The following EYS variants were observed in gnomAD, a reference collection of about 807,000 sequenced individuals.
The protein encoded by EYS is EGF-like photoreceptor maintenance factor.
A neutral mutation model predicts 282.1 loss-of-function variants in EYS; 250 were observed. That is an observed-to-expected ratio of 0.89 (90% confidence interval 0.80 to 0.98). The LOEUF (loss-of-function observed/expected upper bound fraction) is 0.98, where lower values mean the gene tolerates loss of function less well. Ranked by LOEUF, EYS falls within the 50% of genes least tolerant of loss-of-function variation. EYS has a pLI of 0.00. For missense variants in EYS, 4,016 were observed against 3,709.0 expected, an observed-to-expected ratio of 1.08 and a Z score of -2.15; for synonymous variants, 1,355 against 1,282.9, an observed-to-expected ratio of 1.06 and a Z score of -1.20.
intron 5 of EYS, among the ~76,000 whole-genome samples, chr6:65,446,076 A>G (rs185487343): frequency 6.6e-6 from 1 of 151,870 alleles, no homozygotes; most frequent in African/African-American, 2.4e-5. Flanking sequence ...ATTTTCAAAA[A>G]CTCAGTGACT....
At chr6:64,953,578 T>C (rs1319200948) in intron 14 of EYS, among the ~76,000 whole-genome samples, 2 of 151,840 alleles carry the variant, frequency 1.3e-5, no homozygotes, top group African/African-American at 4.8e-5. Context: ...CTAATCTTTA[T>C]TTATAAAAAC....
chr6:63,782,628 G>A (rs1270076861), intron 39 of EYS, among the ~76,000 whole-genome samples: 3 of 152,176 alleles, frequency 2.0e-5, no homozygotes, highest in East Asian at 1.9e-4. Context: ...GCATCTATTT[G>A]ATTCTTCTCT....
At chr6:65,350,046 A>G (rs965109077) in intron 9 of EYS, among the ~76,000 whole-genome samples, 10 of 151,492 alleles carry the variant, frequency 6.6e-5, no homozygotes, top group East Asian at 3.9e-4. Context: ...CTTAATTAAG[A>G]GAATTCTCTT....
chr6:65,129,564 C>T (rs930781221), intron 12 of EYS, among the ~76,000 whole-genome samples: 5 of 151,906 alleles, frequency 3.3e-5, no homozygotes, highest in Non-Finnish European at 7.4e-5. Context: ...AAAAAAAATG[C>T]TCATAATCAC....
At chr6:65,436,807 G>A (rs12192872) in intron 5 of EYS, among the ~76,000 whole-genome samples, 28,164 of 151,926 alleles carry the variant, frequency 0.19, 3,262 homozygotes, top group Middle Eastern at 0.3. Flanking sequence ...AAAAATATCT[G>A]AATAGATATA....
At chr6:64,030,365 A>C (rs918759304) in intron 33 of EYS, among the ~76,000 whole-genome samples, 1 of 152,186 alleles carries the variant, frequency 6.6e-6, no homozygotes, top group African/African-American at 2.4e-5. Flanking sequence ...CTTAAGTGGA[A>C]TGTCGACCCA....
At chr6:64,688,873 G>T (rs1393390605) in intron 22 of EYS, among the ~76,000 whole-genome samples, 2 of 152,098 alleles carry the variant, frequency 1.3e-5, no homozygotes, top group East Asian at 3.9e-4. Flanking sequence ...CATACTGAAT[G>T]GACAAAAACT....
At chr6:64,052,385 A>G (rs1445809091) in intron 33 of EYS, among the ~76,000 whole-genome samples, 1 of 152,150 alleles carries the variant, frequency 6.6e-6, no homozygotes, top group Non-Finnish European at 1.5e-5. Context: ...GAAAACTAGC[A>G]TATCAACTTG....
intron 12 of EYS, among the ~76,000 whole-genome samples, chr6:65,115,086 G>A (rs1775328858): frequency 6.6e-6 from 1 of 152,002 alleles, no homozygotes; most frequent in Admixed American, 6.6e-5. Flanking sequence ...CCTATTACCT[G>A]AAATTCTTTA....
At chr6:64,007,074 C>T (rs545986802) in intron 33 of EYS, among the ~76,000 whole-genome samples, 2 of 152,194 alleles carry the variant, frequency 1.3e-5, no homozygotes, top group South Asian at 2.1e-4. Context: ...AGGAACAGTA[C>T]CAGCTCTTAT....
intron 22 of EYS, among the ~76,000 whole-genome samples, chr6:64,749,872 C>T (rs757607010): frequency 6.6e-6 from 1 of 151,896 alleles, no homozygotes; most frequent in East Asian, 1.9e-4. Flanking sequence ...AAGTTAGAGG[C>T]TAGTACGTAA....
rs117172104 is a variant in EYS, at chr6:64,468,793, A to G, written c.5645-29441T>C. Among the ~76,000 whole-genome samples the G allele has an allele frequency of 2.4e-3, 358 of 152,294 alleles. 3 individuals are homozygous for G. The East Asian group carries it at 0.031, about 13-fold the overall frequency. On this transcript the variant is annotated intron_variant, in intron 26 of 42. Transcript: ENST00000503581. ...TTCCCGAGTTAGTTTGCTTAGAATA[A>G]TGGCTTCCAATTTCATCTTTGTTGC...
chr6:64,544,494 C>T (rs542155650), intron 26 of EYS, among the ~76,000 whole-genome samples: 1 of 152,066 alleles, frequency 6.6e-6, no homozygotes, highest in Non-Finnish European at 1.5e-5. Flanking sequence ...TGAAGTAGCA[C>T]CAGTCCCTGA....
Position 64,686,793 on chromosome 6 carries a change from GTA to G in EYS, c.3444-60550_3444-60549del, listed in dbSNP as rs757264177. Among the ~76,000 whole-genome samples, 4 of 23,116 alleles carry G rather than the reference GTA, an allele frequency of 1.7e-4. 1 individual carries two copies. The highest frequency in any genetic ancestry group is 4.2e-4 in the Non-Finnish European group (3 of 7,120). 15.2% of individuals were successfully genotyped at this position (23,116 alleles called of 152,430 possible). Reference sequence around the variant, plus strand: ...TATATATATATATATATATATGTGTGTATATATATATGTGTGTATATATATAT... The same window carrying G: ...TATATATATATATATATATATGTGTGTATATATATGTGTGTATATATATAT... On this transcript the variant is annotated intron_variant, in intron 22 of 42. Coordinates refer to ENST00000503581, the MANE Select transcript of EYS (RefSeq NM_001142800.2).
intron 30 of EYS, among the ~76,000 whole-genome samples, chr6:64,294,150 T>C (rs1208883693): frequency 6.6e-6 from 1 of 152,126 alleles, no homozygotes; most frequent in Non-Finnish European, 1.5e-5. Context: ...GGAAAAAACC[T>C]TGGTAAAATG....
chr6:64,520,533 T>C (rs1777702881), intron 26 of EYS, among the ~76,000 whole-genome samples: 1 of 151,724 alleles, frequency 6.6e-6, no homozygotes, highest in African/African-American at 2.4e-5. Flanking sequence ...GCATTTTGAT[T>C]ATAATATTGA....
chr6:65,046,121 C>A (rs933696878), intron 13 of EYS, among the ~76,000 whole-genome samples: 1 of 151,808 alleles, frequency 6.6e-6, no homozygotes, highest in African/African-American at 2.4e-5. Flanking sequence ...CTATTAATTT[C>A]TCTTTATTTC....
intron 33 of EYS, among the ~76,000 whole-genome samples, chr6:64,021,216 C>T (rs1769174982): frequency 6.6e-6 from 1 of 151,908 alleles, no homozygotes; most frequent in Admixed American, 6.6e-5. Context: ...TTGCAAAAGC[C>T]ATTCTTTTTC....
intron 14 of EYS, among the ~76,000 whole-genome samples, chr6:64,995,566 C>A (rs889655400): frequency 5.3e-5 from 8 of 152,016 alleles, no homozygotes; most frequent in Non-Finnish European, 1.0e-4. Context: ...AGGATATCAC[C>A]AGTATGATGA....
Sources: gnomAD v4.1 joint callset for allele counts (sites outside exome capture counted in the v4.1 genomes callset) on GRCh38, gnomAD v4.1.1 for gene constraint, MANE v1.5 for transcripts, NCBI Gene and HGNC (gene_info 2026-07-23, HGNC 2026-07-21) for gene names.